The following BCR variants were observed in gnomAD, a reference collection of about 807,000 sequenced individuals.
BCR encodes breakpoint cluster region protein.
Under a neutral mutation model 138.6 loss-of-function variants are expected in BCR, and 58 were observed. The observed-to-expected ratio is 0.42, with a 90% CI of 0.34 to 0.52. The LOEUF is 0.52. Among genes scored for constraint, BCR ranks in the 20% least tolerant of loss-of-function variants. The pLI is 0.06. For synonymous variants in BCR, 786 were observed against 730.1 expected (o/e 1.08, Z -1.23); for missense variants, 1,599 against 1,727.2 (o/e 0.93, Z 1.32).
chr22:23,253,388 C>G (rs2073253897), intron 1 of BCR, among the ~76,000 whole-genome samples: 1 of 152,326 alleles, frequency 6.6e-6, no homozygotes, highest in Non-Finnish European at 1.5e-5. Flanking sequence ...TCCCGGCAAC[C>G]AGCCCCCTTC....
chr22:23,209,544 T>TTTTTATTTTATTTTATTTTA lies in BCR; in HGVS notation c.1279+27319_1279+27320insATTTTATTTTATTTTATTTT, dbSNP rs371375678. On this transcript the variant is annotated intron_variant, in intron 1 of 22. Coordinates refer to ENST00000305877, the MANE Select transcript of BCR (RefSeq NM_004327.4). ...GCTTGTTTGCTAATTTATTTATTCA[T>TTTTTATTTTATTTTATTTTA]TTTTATTTTATTTTTTTGAGATGGA... Among the ~76,000 whole-genome samples, 1,337 of 151,458 alleles carry TTTTTATTTTATTTTATTTTA rather than the reference T, an allele frequency of 8.8e-3. 18 individuals are homozygous for TTTTTATTTTATTTTATTTTA. The highest frequency in any genetic ancestry group is 0.031 in the African/African-American group (1,268 of 40,958).
At chr22:23,275,622 G>T (rs1156819855) in intron 8 of BCR, among the ~76,000 whole-genome samples, 1 of 152,172 alleles carries the variant, frequency 6.6e-6, no homozygotes, top group African/African-American at 2.4e-5. Context: ...CCTGCCCTTG[G>T]TTCTCTTCCC....
At chr22:23,288,751 G>A (rs1243462363) in intron 12 of BCR, among the ~76,000 whole-genome samples, 1 of 152,218 alleles carries the variant, frequency 6.6e-6, no homozygotes, top group African/African-American at 2.4e-5. Flanking sequence ...CCTCCTGTCT[G>A]GGGCAGCCCC....
chr22:23,224,236 G>A (rs1420359749), intron 1 of BCR, among the ~76,000 whole-genome samples: 1 of 152,164 alleles, frequency 6.6e-6, no homozygotes, highest in Non-Finnish European at 1.5e-5. Flanking sequence ...TTTTGCACTG[G>A]CATTTATACC....
chr22:23,281,269 G>T (rs1374152476), intron 8 of BCR, among the ~76,000 whole-genome samples: 2 of 152,258 alleles, frequency 1.3e-5, no homozygotes, highest in Admixed American at 1.3e-4. Flanking sequence ...AGCTGGGACT[G>T]TTTGCCCTAG....
intron 15 of BCR, among the ~76,000 whole-genome samples, chr22:23,294,796 A>C (rs1387259152): frequency 6.6e-6 from 1 of 152,168 alleles, no homozygotes; most frequent in Non-Finnish European, 1.5e-5. Flanking sequence ...ATTAAGTTTG[A>C]AAGGCAGTCG....
chr22:23,218,345 A>C (rs1290151893), intron 1 of BCR, among the ~76,000 whole-genome samples: 1 of 152,044 alleles, frequency 6.6e-6, no homozygotes, highest in Non-Finnish European at 1.5e-5. Flanking sequence ...TCCCTAACCC[A>C]CCGGGTTTAA....
intron 1 of BCR, among the ~76,000 whole-genome samples, chr22:23,238,701 A>G (rs1568948461): frequency 6.6e-6 from 1 of 152,118 alleles, no homozygotes; most frequent in East Asian, 1.9e-4. Context: ...ACACCTGTGC[A>G]TCCACAACCC....
intron 1 of BCR, among the ~76,000 whole-genome samples, chr22:23,207,607 A>C (rs937557256): frequency 6.6e-6 from 1 of 152,166 alleles, no homozygotes; most frequent in Non-Finnish European, 1.5e-5. Context: ...TGGGCGACAG[A>C]GACAGACCCT....
intron 1 of BCR, among the ~76,000 whole-genome samples, chr22:23,219,827 G>C (rs1396809593): frequency 6.6e-6 from 1 of 152,164 alleles, no homozygotes; most frequent in East Asian, 1.9e-4. Flanking sequence ...CCCACCCCAT[G>C]TAGTTCTCTG....
chr22:23,219,355 C>T (rs2146229363), intron 1 of BCR, among the ~76,000 whole-genome samples: 1 of 152,316 alleles, frequency 6.6e-6, no homozygotes, highest in East Asian at 1.9e-4. Context: ...AGCACAAAGC[C>T]TCCCCCCGGA....
chr22:23,198,121 G>A (rs771889951), intron 1 of BCR: 7 of 293,440 alleles, frequency 2.4e-5, no homozygotes, highest in African/African-American at 4.6e-5. Context: ...GTGACTGTTA[G>A]GAGGTTATGG....
chr22:23,288,194 A>T, intron 12 of BCR, 22 bp downstream of exon 12: 1 of 1,611,028 alleles, frequency 6.2e-7, no homozygotes, highest in Non-Finnish European at 8.5e-7. Flanking sequence ...CTGTCCTGAG[A>T]GGGGCTGGGC....
chr22:23,186,366 C>T (rs992608647), intron 1 of BCR, among the ~76,000 whole-genome samples: 1 of 152,052 alleles, frequency 6.6e-6, no homozygotes, highest in Non-Finnish European at 1.5e-5. Flanking sequence ...TGTCTTAACC[C>T]TTTTAAATTG....
At chr22:23,264,336 G>A (rs1476279579) in intron 4 of BCR, 17 of 988,316 alleles carry the variant, frequency 1.7e-5, no homozygotes, top group East Asian at 1.4e-4. Flanking sequence ...CAACCTCCAC[G>A]TCCTGGATAT....
At chr22:23,254,507 A>G (rs1488036417) in intron 2 of BCR, 1 of 519,050 alleles carries the variant, frequency 1.9e-6, no homozygotes, top group South Asian at 1.4e-5. Context: ...TCTCATGGCT[A>G]GTGAGTAGCG....
At chr22:23,219,202 G>C (rs544445204) in intron 1 of BCR, among the ~76,000 whole-genome samples, 1 of 152,236 alleles carries the variant, frequency 6.6e-6, no homozygotes, top group African/African-American at 2.4e-5. Flanking sequence ...GGCCCTGGTG[G>C]GGTGTGTCTT....
intron 1 of BCR, among the ~76,000 whole-genome samples, chr22:23,196,846 A>T (rs1044976411): frequency 1.3e-5 from 2 of 151,888 alleles, no homozygotes; most frequent in South Asian, 4.2e-4. Flanking sequence ...ATGAAGCGTC[A>T]CTCTCCGCCT....
At position 23,273,146 on chromosome 22, in the gene BCR, G is replaced by A. The variant is rs377341577; in HGVS notation, c.1974+13G>A. On this transcript the variant is annotated intron_variant, in intron 7 of 22. Coordinates refer to ENST00000305877, the MANE Select transcript of BCR (RefSeq NM_004327.4). The stretch of plus-strand genomic sequence containing the variant: ...GCTGGTCCTCCATGTAAGTCACAGC[G>A]CCCCTCTGGACCGGGACCAAAACTG... 28 of 1,612,360 alleles carry A rather than the reference G, an allele frequency of 1.7e-5. No homozygotes were observed. The Middle Eastern group carries it at 6.6e-4, about 38-fold the overall frequency.
Sources: gnomAD v4.1 joint callset for allele counts (sites outside exome capture counted in the v4.1 genomes callset) on GRCh38, gnomAD v4.1.1 for gene constraint, MANE v1.5 for transcripts, NCBI Gene and HGNC (gene_info 2026-07-23, HGNC 2026-07-21) for gene names.